BZW2: variants seen among roughly 807,000 people sequenced by gnomAD.
BZW2 encodes eIF5-mimic protein 1.
BZW2 carries 23 observed loss-of-function variants against 53.2 expected under a neutral mutation model. The ratio of observed to expected loss-of-function variants is 0.43; its 90% CI spans 0.31 to 0.61. BZW2 has a LOEUF of 0.61. BZW2 is among the 20% of genes least tolerant of loss of function. The pLI, the probability that BZW2 is intolerant of heterozygous loss-of-function variation, is 0.09. For synonymous variants in BZW2, 227 were observed against 186.4 expected (o/e 1.22, Z -1.77); for missense variants, 409 against 503.1 (o/e 0.81, Z 1.79).
intron 1 of BZW2, among the ~76,000 whole-genome samples, chr7:16,664,768 ATAT>A (rs1782369226): frequency 6.6e-6 from 1 of 152,202 alleles, no homozygotes; most frequent in Non-Finnish European, 1.5e-5. Flanking sequence ...ATATACAAGT[ATAT>A]TTGCATTCTT....
At chr7:16,679,201 T>C (rs1674811) in intron 3 of BZW2, among the ~76,000 whole-genome samples, 11,167 of 152,206 alleles carry the variant, frequency 0.073, 1,033 homozygotes, top group African/African-American at 0.22. Context: ...TAAGTATTGA[T>C]TGGGGAAGTG....
At chr7:16,689,305 T>C (rs563553147) in intron 6 of BZW2, among the ~76,000 whole-genome samples, 1 of 152,358 alleles carries the variant, frequency 6.6e-6, no homozygotes, top group South Asian at 2.1e-4. Flanking sequence ...TGTGTTCATC[T>C]ATTCGTAGCA....
At chr7:16,661,520 C>G (rs550379572) in intron 1 of BZW2, among the ~76,000 whole-genome samples, 8 of 152,022 alleles carry the variant, frequency 5.3e-5, no homozygotes, top group African/African-American at 1.9e-4. Context: ...AGGTAGGTAA[C>G]AGAAATAAAT....
intron 1 of BZW2, among the ~76,000 whole-genome samples, chr7:16,655,750 A>G (rs1782105843): frequency 1.3e-5 from 2 of 152,048 alleles, no homozygotes; most frequent in African/African-American, 2.4e-5. Context: ...TAGATTCTAC[A>G]TGAGTGAGAT....
In BZW2 at chr7:16,682,768, T is replaced by TA; in HGVS notation, c.340-12_340-11insA. On this transcript the variant is annotated splice_polypyrimidine_tract_variant and intron_variant, in intron 4 of 11. Transcript: ENST00000258761. Reference sequence around the variant, plus strand: ...TGGTTGACCTAATATTTAATGGTTGTTTTTTTTTTAGGTCTTCAATAAACT... The same window carrying TA: ...TGGTTGACCTAATATTTAATGGTTGTATTTTTTTTTAGGTCTTCAATAAACT... 3.2e-6 allele frequency: 4 copies of TA among 1,268,178 alleles called. No homozygotes were observed. Among genetic ancestry groups the TA allele is most frequent in the Non-Finnish European group, 4.2e-6 (4 of 956,292 alleles). 78.6% of individuals were successfully genotyped at this position (1,268,178 alleles called of 1,614,324 possible).
chr7:16,679,291 T>C lies in BZW2; in HGVS notation c.236-2010T>C, dbSNP rs371763058. 1.1e-4 allele frequency among the ~76,000 whole-genome samples: 16 copies of C among 152,334 alleles called. No individual in the cohort carries two copies. The East Asian group carries it at 2.1e-3, about 20-fold the overall frequency. On this transcript the variant is annotated intron_variant, in intron 3 of 11. Coordinates refer to ENST00000258761, the MANE Select transcript of BZW2 (RefSeq NM_014038.3). ...GCTTAAGAAATTATAAAAGTATTAA[T>C]TTGGGGAACTAACAAATGTCCATGA...
In BZW2 at chr7:16,683,580, G is replaced by A. The variant is rs113205804; in HGVS notation, c.405+735G>A. 5.8e-3 allele frequency among the ~76,000 whole-genome samples: 888 copies of A among 152,330 alleles called. 9 individuals are homozygous for A. The highest frequency in any genetic ancestry group is 0.02 in the African/African-American group (842 of 41,556). On this transcript the variant is annotated intron_variant, in intron 5 of 11. Coordinates refer to ENST00000258761, the MANE Select transcript of BZW2 (RefSeq NM_014038.3). ...CAAAGGGAATAAAAGCACCTCTTTG[G>A]AGATAGAGTATATAGGTGTAATTCT...
At chr7:16,656,866 A>C (rs969447339) in intron 1 of BZW2, among the ~76,000 whole-genome samples, 1 of 152,158 alleles carries the variant, frequency 6.6e-6, no homozygotes, top group Non-Finnish European at 1.5e-5. Flanking sequence ...GGGTCCTCAA[A>C]TTGCCCTGGG....
chr7:16,688,744 C>T (rs986278653), intron 6 of BZW2: 13 of 152,104 alleles, frequency 8.5e-5, no homozygotes, highest in Admixed American at 2.0e-4. Context: ...TTGAAGTGTT[C>T]ATAGAACTGT....
chr7:16,695,754 T>C (rs1453367365), intron 8 of BZW2: 2 of 152,190 alleles, frequency 1.3e-5, no homozygotes, highest in East Asian at 3.8e-4. Context: ...CCACACCTCC[T>C]TCCATGCTCC....
At chr7:16,652,027 G>A (rs1445814875) in intron 1 of BZW2, among the ~76,000 whole-genome samples, 1 of 152,168 alleles carries the variant, frequency 6.6e-6, no homozygotes. Flanking sequence ...TGGAGACAGT[G>A]GATCAGGTTC....
At chr7:16,691,488 G>C (rs1783304012) in intron 7 of BZW2, among the ~76,000 whole-genome samples, 1 of 152,198 alleles carries the variant, frequency 6.6e-6, no homozygotes. Flanking sequence ...TCGGGCACAG[G>C]CTGAGGGAGC....
At chr7:16,673,235 C>G (rs11772917) in intron 2 of BZW2, among the ~76,000 whole-genome samples, 1 of 152,062 alleles carries the variant, frequency 6.6e-6, no homozygotes, top group African/African-American at 2.4e-5. Context: ...CGTGAGCCAC[C>G]ACGCCCGGCC....
chr7:16,672,840 G>C (rs1386108019), intron 2 of BZW2, among the ~76,000 whole-genome samples: 1 of 152,090 alleles, frequency 6.6e-6, no homozygotes. Context: ...CAAACTTCCA[G>C]TCACCACACC....
At chr7:16,698,877 A>C (rs976567235) in intron 10 of BZW2, among the ~76,000 whole-genome samples, 4 of 152,206 alleles carry the variant, frequency 2.6e-5, no homozygotes, top group African/African-American at 9.6e-5. Context: ...GTACATTTTG[A>C]ACATTATAAC....
intron 2 of BZW2, among the ~76,000 whole-genome samples, chr7:16,671,989 A>T (rs1021812101): frequency 6.6e-6 from 1 of 151,720 alleles, no homozygotes; most frequent in African/African-American, 2.4e-5. Flanking sequence ...ATACTTTTCC[A>T]TAAGAATTTT....
intron 1 of BZW2, among the ~76,000 whole-genome samples, chr7:16,659,366 G>A (rs1025815041): frequency 1.3e-5 from 2 of 152,038 alleles, no homozygotes; most frequent in Admixed American, 6.5e-5. Context: ...TCATGATAAG[G>A]ATATTAAACA....
chr7:16,669,375 A>G (rs1180371172), intron 2 of BZW2, among the ~76,000 whole-genome samples: 1 of 151,924 alleles, frequency 6.6e-6, no homozygotes. Flanking sequence ...TGATCCATCT[A>G]CCTTGGCCTC....
At chr7:16,656,551 GCGCGCACACACA>G (rs1364250418) in intron 1 of BZW2, among the ~76,000 whole-genome samples, 42 of 112,316 alleles carry the variant, frequency 3.7e-4, no homozygotes, top group African/African-American at 1.8e-3. Flanking sequence ...CCCAGCGCGC[GCGCGCACACACA>G]CACACACACA....
Sources: allele counts gnomAD v4.1 joint callset (sites outside exome capture counted in the v4.1 genomes callset), GRCh38; gene constraint gnomAD v4.1.1; transcripts MANE v1.5; gene names NCBI Gene and HGNC (gene_info 2026-07-23, HGNC 2026-07-21).